The following UTRN variants were observed in gnomAD, a reference collection of about 807,000 sequenced individuals.
The protein encoded by UTRN is utrophin.
UTRN carries 283 observed loss-of-function variants against 463.9 expected under a neutral mutation model. That is an observed-to-expected ratio of 0.61 (90% CI 0.55 to 0.67). UTRN has a LOEUF of 0.67. UTRN is among the 30% of genes least tolerant of loss of function. The pLI is 0.00. For synonymous variants in UTRN, 1,442 were observed against 1,431.5 expected, an observed-to-expected ratio of 1.01 and a Z score of -0.17; for missense variants, 3,922 against 4,084.3, an observed-to-expected ratio of 0.96 and a Z score of 1.08.
At chr6:144,504,229 T>A (rs1037920193) in intron 34 of UTRN, among the ~76,000 whole-genome samples, 1 of 152,176 alleles carries the variant, frequency 6.6e-6, no homozygotes, top group Non-Finnish European at 1.5e-5. Flanking sequence ...ATACGCTTTA[T>A]TTCTTTCTCT....
intron 50 of UTRN, among the ~76,000 whole-genome samples, chr6:144,561,079 T>TTCTAGTGCCAGTTGAGATAGTGAC (rs1433396746): frequency 1.3e-5 from 2 of 151,024 alleles, no homozygotes; most frequent in Admixed American, 6.6e-5. Context: ...TTAACAAATT[T>TTCTAGTGCCAGTTGAGATAGTGAC]TCTAGTGCCA....
chr6:144,787,681 T>C (rs1776405007), intron 61 of UTRN, among the ~76,000 whole-genome samples: 1 of 152,132 alleles, frequency 6.6e-6, no homozygotes, highest in Non-Finnish European at 1.5e-5. Context: ...ATCAATAAAA[T>C]CAATGATTAA....
chr6:144,514,849 AT>A, intron 37 of UTRN, 29 bp downstream of exon 37: 2 of 1,599,012 alleles, frequency 1.3e-6, no homozygotes, highest in Non-Finnish European at 1.7e-6. Context: ...AGAGTAAACC[AT>A]TTTTCCTATG....
Position 144,444,290 on chromosome 6 carries a change from G to A in UTRN, c.1522G>A (p.Glu508Lys). ...TTTCTCCTTTTTCTAGAAACTTGGT[G>A]AGCGCTGGACAGCAGTATGCCGTTG... The part of the protein sequence containing the change: ...ILEDQLQKLG[E>K]RWTAVCRWTE... The change falls in exon 14 of 75, where the codon GAG becomes AAG. Residue 508 changes from glutamate (E) to lysine (K), a missense_variant. Glu to Lys is a moderately conservative substitution (Grantham distance 56, BLOSUM62 1). Coordinates refer to ENST00000367545, the MANE Select transcript of UTRN (RefSeq NM_007124.3). 1.2e-6 allele frequency: 2 copies of A among 1,609,138 alleles called. No individual in the cohort carries two copies. The highest frequency in any genetic ancestry group is 8.5e-7 in the Non-Finnish European group (1 of 1,177,690).
chr6:144,391,141 A>G (rs1781881939), intron 2 of UTRN, among the ~76,000 whole-genome samples: 1 of 151,996 alleles, frequency 6.6e-6, no homozygotes, highest in East Asian at 1.9e-4. Context: ...GTGCATTCAC[A>G]ATTCCCTGCA....
chr6:144,295,642 A>G (rs1804611291), intron 2 of UTRN, among the ~76,000 whole-genome samples: 1 of 152,188 alleles, frequency 6.6e-6, no homozygotes, highest in South Asian at 2.1e-4. Context: ...TAAACGCCCT[A>G]TAACCCAGCC....
At chr6:144,750,193 T>G (rs1302135073) in intron 55 of UTRN, among the ~76,000 whole-genome samples, 2 of 138,940 alleles carry the variant, frequency 1.4e-5, no homozygotes, top group Non-Finnish European at 3.1e-5. Context: ...TTCCCTGTGC[T>G]TCTATATTAA....
chr6:144,405,616 G>A (rs1230836853), intron 3 of UTRN, among the ~76,000 whole-genome samples: 1 of 152,108 alleles, frequency 6.6e-6, no homozygotes, highest in Non-Finnish European at 1.5e-5. Context: ...CTACAGTGTG[G>A]GTTCCTAAAC....
intron 53 of UTRN, among the ~76,000 whole-genome samples, chr6:144,724,032 AAG>A (rs1461005241): frequency 4.0e-5 from 6 of 149,864 alleles, no homozygotes; most frequent in Non-Finnish European, 7.4e-5. Flanking sequence ...AAAAAAAAGA[AAG>A]AAAAAAAAGA....
intron 52 of UTRN, among the ~76,000 whole-genome samples, chr6:144,692,940 C>G (rs1783585707): frequency 6.6e-6 from 1 of 150,712 alleles, no homozygotes; most frequent in Non-Finnish European, 1.5e-5. Flanking sequence ...CTTTTGGTGT[C>G]TTCATCATGA....
intron 2 of UTRN, among the ~76,000 whole-genome samples, chr6:144,393,631 G>A (rs1021032244): frequency 2.6e-5 from 4 of 152,118 alleles, no homozygotes; most frequent in Non-Finnish European, 4.4e-5. Flanking sequence ...GTCATGACAC[G>A]TCAGAGAAGG....
intron 41 of UTRN, among the ~76,000 whole-genome samples, chr6:144,529,928 A>G (rs996412647): frequency 6.6e-6 from 1 of 152,182 alleles, no homozygotes; most frequent in Non-Finnish European, 1.5e-5. Context: ...TTTTATGCTT[A>G]TTTCATGTAT....
At chr6:144,583,829 G>C (rs1165672483) in intron 51 of UTRN, among the ~76,000 whole-genome samples, 1 of 152,176 alleles carries the variant, frequency 6.6e-6, no homozygotes, top group Non-Finnish European at 1.5e-5. Context: ...CTTGTCTTCT[G>C]AGATGGGCTA....
intron 53 of UTRN, among the ~76,000 whole-genome samples, chr6:144,727,748 CA>C (rs1378451530): frequency 6.6e-6 from 1 of 150,470 alleles, no homozygotes; most frequent in African/African-American, 2.4e-5. Context: ...CTGGGCAACA[CA>C]GCGAGACTCT....
chr6:144,551,118 AC>A, intron 48 of UTRN, 36 bp downstream of exon 48: 1 of 1,377,162 alleles, frequency 7.3e-7, no homozygotes, highest in Non-Finnish European at 1.0e-6. Flanking sequence ...ATTATCATCC[AC>A]TTTCCCTGCA....
intron 2 of UTRN, among the ~76,000 whole-genome samples, chr6:144,322,456 G>A (rs1775720445): frequency 6.6e-6 from 1 of 152,120 alleles, no homozygotes; most frequent in Admixed American, 6.5e-5. Flanking sequence ...CAGCTGCCCT[G>A]CAGGGGACTT....
rs554911407 is a variant in UTRN, at chr6:144,529,163, C to T, written c.5907-1889C>T. ...GTCTTAGTCCTATCAGGAACCCCTTCCGCCACCCCCACACCCCCACTGGCC... is the reference window on the plus strand; with the variant it reads ...GTCTTAGTCCTATCAGGAACCCCTTTCGCCACCCCCACACCCCCACTGGCC... On this transcript the variant is annotated intron_variant, in intron 41 of 74. Coordinates refer to ENST00000367545, the MANE Select transcript of UTRN (RefSeq NM_007124.3). Among the ~76,000 whole-genome samples, 9 of 152,330 alleles carry T rather than the reference C, an allele frequency of 5.9e-5. No homozygotes were observed. The South Asian group carries it at 1.7e-3, about 28-fold the overall frequency.
Position 144,447,326 on chromosome 6 carries a change from A to T in UTRN, c.1722+8A>T. The T allele has an allele frequency of 6.2e-7, 1 of 1,611,400 alleles. No homozygotes were observed. Among genetic ancestry groups the T allele is most frequent in the South Asian group, 1.1e-5 (1 of 90,776 alleles). Reference sequence around the variant, plus strand: ...AGTGTTCGACGTCTGGCTGTAAGTGATGGGGTTGTCAGCATCTGTGTTGTA... The same window carrying T: ...AGTGTTCGACGTCTGGCTGTAAGTGTTGGGGTTGTCAGCATCTGTGTTGTA... On this transcript the variant is annotated splice_region_variant and intron_variant, in intron 15 of 74. Transcript: ENST00000367545.
At position 144,728,870 on chromosome 6, in the gene UTRN, A is replaced by G. The variant is rs1562827239; in HGVS notation, c.7810-1487A>G. On this transcript the variant is annotated intron_variant, in intron 53 of 74. Transcript: ENST00000367545. ...TTACAATGCTTACACACAAAAAAAT[A>G]GCATTTTTGTCACTCCGTCTCTCAC... is the stretch of plus-strand genomic sequence containing the variant. Among the ~76,000 whole-genome samples, 5 of 152,348 alleles carry G rather than the reference A, an allele frequency of 3.3e-5. No homozygotes were observed. In the South Asian group the frequency reaches 1.0e-3, roughly 32 times the overall value.
Sources: gnomAD v4.1 joint callset for allele counts (sites outside exome capture counted in the v4.1 genomes callset) on GRCh38, gnomAD v4.1.1 for gene constraint, MANE v1.5 for transcripts, NCBI Gene and HGNC (gene_info 2026-07-23, HGNC 2026-07-21) for gene names.